Variants in CDK14 observed in about 807,000 individuals in gnomAD.
CDK14 encodes cyclin dependent kinase 14.
In CDK14, 34 loss-of-function variants were observed where a neutral mutation model predicts 60.7. That is an observed-to-expected ratio of 0.56 (90% CI 0.43 to 0.75). CDK14 has a LOEUF of 0.75. Among genes scored for constraint, CDK14 ranks in the 30% least tolerant of loss-of-function variants. CDK14 has a pLI of 0.00. For synonymous variants in CDK14, 197 were observed against 203.7 expected, an observed-to-expected ratio of 0.97 and a Z score of 0.28; for missense variants, 482 against 564.1, an observed-to-expected ratio of 0.85 and a Z score of 1.47.
intron 9 of CDK14, 78 bp downstream of exon 9, chr7:90,955,895 A>T: frequency 6.5e-7 from 1 of 1,530,154 alleles, no homozygotes; most frequent in East Asian, 2.3e-5. Flanking sequence ...ACATCCTAAC[A>T]GTTTGAATGA....
chr7:91,045,643 G>A (rs910614854), intron 10 of CDK14, among the ~76,000 whole-genome samples: 8 of 152,108 alleles, frequency 5.3e-5, no homozygotes, highest in Non-Finnish European at 1.0e-4. Flanking sequence ...TACTTATTAA[G>A]TTTGGACTTG....
At chr7:91,127,128 A>G (rs1799973874) in intron 14 of CDK14, among the ~76,000 whole-genome samples, 2 of 152,140 alleles carry the variant, frequency 1.3e-5, no homozygotes, top group Non-Finnish European at 2.9e-5. Flanking sequence ...AATAGGGAAA[A>G]TGATTGTGAA....
intron 3 of CDK14, among the ~76,000 whole-genome samples, chr7:90,740,460 A>T (rs980132923): frequency 2.6e-5 from 4 of 152,050 alleles, no homozygotes; most frequent in Non-Finnish European, 2.9e-5. Context: ...TGTGACCCTA[A>T]TATAATATGA....
chr7:91,059,655 G>C (rs992371664), intron 11 of CDK14, among the ~76,000 whole-genome samples: 3 of 152,046 alleles, frequency 2.0e-5, no homozygotes, highest in African/African-American at 7.2e-5. Context: ...CCTTCATTTC[G>C]TTATGTACCC....
At chr7:90,999,996 C>G (rs1359860049) in intron 10 of CDK14, among the ~76,000 whole-genome samples, 1 of 152,168 alleles carries the variant, frequency 6.6e-6, no homozygotes, top group Non-Finnish European at 1.5e-5. Flanking sequence ...GTTTCGTCTT[C>G]TCTAGAGATG....
chr7:90,619,560 T>A (rs956008449), intron 2 of CDK14, among the ~76,000 whole-genome samples: 9 of 152,236 alleles, frequency 5.9e-5, no homozygotes, highest in Non-Finnish European at 1.5e-5. Flanking sequence ...TATTTTAACT[T>A]CTATAAATAT....
intron 5 of CDK14, among the ~76,000 whole-genome samples, chr7:90,854,986 G>A (rs17475367): frequency 0.13 from 19,269 of 152,194 alleles, 1,468 homozygotes; most frequent in Middle Eastern, 0.25. Context: ...TAGCATTTAT[G>A]TAGTACCTGC....
chr7:91,025,361 T>C (rs1288426667), intron 10 of CDK14, among the ~76,000 whole-genome samples: 6 of 152,094 alleles, frequency 3.9e-5, no homozygotes, highest in Admixed American at 1.3e-4. Context: ...CAAAGAAGTG[T>C]ACATATTAAA....
At chr7:90,915,100 G>C (rs1261831264) in intron 7 of CDK14, among the ~76,000 whole-genome samples, 1 of 152,098 alleles carries the variant, frequency 6.6e-6, no homozygotes, top group Non-Finnish European at 1.5e-5. Context: ...GAGAGACCTA[G>C]GAATGCATGG....
At chr7:90,653,937 G>A (rs1800701214) in intron 2 of CDK14, among the ~76,000 whole-genome samples, 1 of 152,100 alleles carries the variant, frequency 6.6e-6, no homozygotes, top group Non-Finnish European at 1.5e-5. Flanking sequence ...CTGTCCTTGC[G>A]ATAGTTTGCT....
chr7:91,052,037 C>A (rs1189484838), intron 11 of CDK14, among the ~76,000 whole-genome samples: 1 of 152,182 alleles, frequency 6.6e-6, no homozygotes, highest in African/African-American at 2.4e-5. Flanking sequence ...GTTCTCCAGA[C>A]CAGTAGAATC....
intron 9 of CDK14, 62 bp from the exon 10 acceptor site, chr7:90,984,086 G>A (rs111289881): frequency 9.6e-7 from 1 of 1,038,524 alleles, no homozygotes; most frequent in Non-Finnish European, 1.5e-6. Flanking sequence ...TCTAATTCCA[G>A]ATTTAGTTTT....
intron 7 of CDK14, among the ~76,000 whole-genome samples, chr7:90,901,964 C>T (rs1792521256): frequency 6.6e-6 from 1 of 151,712 alleles, no homozygotes; most frequent in Admixed American, 6.6e-5. Context: ...ATTTCTTCCC[C>T]AATAATGAGC....
chr7:90,633,240 T>C (rs1310423206), intron 2 of CDK14, among the ~76,000 whole-genome samples: 1 of 152,230 alleles, frequency 6.6e-6, no homozygotes, highest in African/African-American at 2.4e-5. Flanking sequence ...GAGAGGATGT[T>C]AGTCTGTCTC....
intron 11 of CDK14, among the ~76,000 whole-genome samples, chr7:91,066,936 C>G (rs1401012729): frequency 2.0e-5 from 3 of 152,174 alleles, no homozygotes; most frequent in Admixed American, 2.0e-4. Flanking sequence ...AAATTAATTG[C>G]ACTTCTCAGT....
At chr7:91,166,842 G>A (rs1801361453) in intron 14 of CDK14, among the ~76,000 whole-genome samples, 1 of 152,138 alleles carries the variant, frequency 6.6e-6, no homozygotes, top group East Asian at 1.9e-4. Context: ...CTGTGCTCTT[G>A]GGCCTGCAGG....
At chr7:91,182,349 T>C (rs1802030338) in intron 14 of CDK14, among the ~76,000 whole-genome samples, 1 of 152,130 alleles carries the variant, frequency 6.6e-6, no homozygotes, top group Non-Finnish European at 1.5e-5. Flanking sequence ...TATTCTCATA[T>C]ACCACCAATT....
chr7:90,664,845 CG>C (rs1265471688), intron 2 of CDK14, among the ~76,000 whole-genome samples: 3 of 151,886 alleles, frequency 2.0e-5, no homozygotes, highest in African/African-American at 7.2e-5. Flanking sequence ...TGCTAAATGA[CG>C]AGTTAATTGG....
chr7:90,666,860 C>T (rs1800989686), intron 2 of CDK14, among the ~76,000 whole-genome samples: 1 of 152,156 alleles, frequency 6.6e-6, no homozygotes, highest in African/African-American at 2.4e-5. Flanking sequence ...ACAAGAAATG[C>T]ACATTTTGTA....
Sources: gnomAD v4.1 joint callset for allele counts (sites outside exome capture counted in the v4.1 genomes callset) on GRCh38, gnomAD v4.1.1 for gene constraint, MANE v1.5 for transcripts, NCBI Gene and HGNC (gene_info 2026-07-23, HGNC 2026-07-21) for gene names.